The following DAB1 variants were observed in gnomAD, a reference collection of about 807,000 sequenced individuals.
DAB1 encodes the protein DAB adaptor protein 1.
A neutral mutation model predicts 64.6 loss-of-function variants in DAB1; 15 were observed. The ratio of observed to expected loss-of-function variants is 0.23; its 90% CI spans 0.16 to 0.36. DAB1 has a LOEUF of 0.36. Among genes scored for constraint, DAB1 ranks in the 10% least tolerant of loss-of-function variants. DAB1 has a pLI of 1.00. For missense variants in DAB1, 596 were observed against 706.7 expected, an observed-to-expected ratio of 0.84 and a Z score of 1.78; for synonymous variants, 235 against 251.9, an observed-to-expected ratio of 0.93 and a Z score of 0.64.
intron 14 of DAB1, among the ~76,000 whole-genome samples, chr1:56,999,396 C>T (rs1195893492): frequency 6.6e-6 from 1 of 152,136 alleles, no homozygotes; most frequent in African/African-American, 2.4e-5. Context: ...CAACAGTGAC[C>T]ATGAGGAGGG....
At chr1:58,094,077 T>A (rs963048643) in intron 5 of DAB1, among the ~76,000 whole-genome samples, 3 of 152,184 alleles carry the variant, frequency 2.0e-5, no homozygotes, top group African/African-American at 4.8e-5. Context: ...CACCAGCAGC[T>A]CTGTGTCCCA....
intron 2 of DAB1, among the ~76,000 whole-genome samples, chr1:57,176,095 C>T (rs1364734239): frequency 6.6e-6 from 1 of 152,140 alleles, no homozygotes; most frequent in Non-Finnish European, 1.5e-5. Context: ...CTGCAAGGGT[C>T]AAACAAGAGG....
At chr1:57,844,735 G>A (rs1653204961) in intron 1 of DAB1, among the ~76,000 whole-genome samples, 1 of 152,150 alleles carries the variant, frequency 6.6e-6, no homozygotes, top group African/African-American at 2.4e-5. Context: ...CAAGGGACAG[G>A]AAGAGAGAGA....
chr1:58,412,900 C>T (rs916237779), intron 3 of DAB1, among the ~76,000 whole-genome samples: 2 of 152,076 alleles, frequency 1.3e-5, no homozygotes, highest in Non-Finnish European at 2.9e-5. Context: ...TCATTTTAGG[C>T]TGGAATAAGA....
At chr1:57,814,641 G>A (rs1281527117) in intron 6 of DAB1, among the ~76,000 whole-genome samples, 1 of 152,170 alleles carries the variant, frequency 6.6e-6, no homozygotes, top group African/African-American at 2.4e-5. Flanking sequence ...CCAACAAATA[G>A]ATGGAGACAA....
intron 1 of DAB1, among the ~76,000 whole-genome samples, chr1:57,412,671 C>T (rs1684201287): frequency 6.6e-6 from 1 of 152,198 alleles, no homozygotes; most frequent in African/African-American, 2.4e-5. Flanking sequence ...AGAGCCCTAA[C>T]TCTATTCAAT....
At chr1:57,373,938 T>C (rs769112612) in intron 1 of DAB1, among the ~76,000 whole-genome samples, 17 of 152,170 alleles carry the variant, frequency 1.1e-4, no homozygotes, top group Non-Finnish European at 2.2e-4. Context: ...TATTTCAGAC[T>C]CCTCCAGGAA....
At chr1:57,076,189 G>A (rs1651971978) in intron 4 of DAB1, among the ~76,000 whole-genome samples, 1 of 152,206 alleles carries the variant, frequency 6.6e-6, no homozygotes, top group Admixed American at 6.5e-5. Flanking sequence ...TGCTTCTGCA[G>A]TCAGTTCCTG....
chr1:57,051,945 T>C (rs1237228082), intron 9 of DAB1, among the ~76,000 whole-genome samples: 4 of 152,128 alleles, frequency 2.6e-5, no homozygotes, highest in Non-Finnish European at 4.4e-5. Context: ...GGGCTGTGCA[T>C]TTCCTTTCAT....
At chr1:58,173,005 C>T (rs541100195) in intron 4 of DAB1, among the ~76,000 whole-genome samples, 160 of 152,324 alleles carry the variant, frequency 1.1e-3, no homozygotes, top group Admixed American at 2.1e-3. Context: ...AGGTGGCAGT[C>T]TTACACTGCC....
At chr1:57,010,642 G>A in intron 14 of DAB1, 38 bp downstream of exon 14, 1 of 1,151,870 alleles carries the variant, frequency 8.7e-7, no homozygotes, top group Non-Finnish European at 1.2e-6. Flanking sequence ...AAAGCAGATA[G>A]CTTAAGGGTA....
intron 5 of DAB1, among the ~76,000 whole-genome samples, chr1:57,976,010 C>T (rs1159909413): frequency 6.6e-6 from 1 of 152,230 alleles, no homozygotes; most frequent in African/African-American, 2.4e-5. Flanking sequence ...TCACTGTTCA[C>T]TGAATCCCTG....
At chr1:57,301,061 CT>C (rs1673606692) in intron 1 of DAB1, among the ~76,000 whole-genome samples, 1 of 151,746 alleles carries the variant, frequency 6.6e-6, no homozygotes, top group Non-Finnish European at 1.5e-5. Context: ...CTTCCATTTT[CT>C]TTTCCAAAGA....
rs184539508 is a variant in DAB1 at position 57,575,087 on chromosome 1, G to T, written n.625+74505C>A. Among the ~76,000 whole-genome samples, 9 of 152,302 alleles carry T rather than the reference G, an allele frequency of 5.9e-5. No individual in the cohort carries two copies. The East Asian group carries it at 1.5e-3, about 26-fold the overall frequency. Reference sequence around the variant, plus strand: ...GTCTCCCCAATATGATTACAAGCCTGGCAGAGAACAGGGAACAGGGTGAAG... The same window carrying T: ...GTCTCCCCAATATGATTACAAGCCTTGCAGAGAACAGGGAACAGGGTGAAG... On this transcript the variant is annotated intron_variant and non_coding_transcript_variant, in intron 7 of 20. Transcript: ENST00000485760.
chr1:58,056,442 C>T (rs760312532), intron 5 of DAB1: 22 of 1,529,616 alleles, frequency 1.4e-5, no homozygotes, highest in Non-Finnish European at 1.8e-5. Context: ...GGCCGCGGCC[C>T]TTTTTGGCAC....
chr1:57,188,545 T>C (rs930120502), intron 2 of DAB1, among the ~76,000 whole-genome samples: 25 of 152,170 alleles, frequency 1.6e-4, no homozygotes, highest in Non-Finnish European at 3.5e-4. Flanking sequence ...ACTGGGATAT[T>C]CTCACATCTC....
rs1261274799 is a variant in DAB1 at position 57,565,802 on chromosome 1, T to A, written n.625+83790A>T. On this transcript the variant is annotated intron_variant and non_coding_transcript_variant, in intron 7 of 20. Coordinates refer to the DAB1 transcript ENST00000485760. ...GCTCCTTAGAGACCTACAAAGAGAC[T>A]TAAGACTCCCACACAATAATAATGA... Among the ~76,000 whole-genome samples the A allele has an allele frequency of 2.6e-5, 4 of 152,252 alleles. No homozygotes were observed. The South Asian group carries it at 8.3e-4, about 32-fold the overall frequency.
chr1:57,907,850 CTAGAAGGTATGTGTATATATATA>C (rs1644577074), intron 5 of DAB1, among the ~76,000 whole-genome samples: 1 of 144,818 alleles, frequency 6.9e-6, no homozygotes, highest in Admixed American at 7.2e-5. Context: ...TTACATAAAC[CTAGAAGGTATGTGTATATATATA>C]TATACACATA....
intron 7 of DAB1, among the ~76,000 whole-genome samples, chr1:57,496,453 C>T (rs1472278898): frequency 2.6e-5 from 4 of 152,118 alleles, no homozygotes; most frequent in East Asian, 1.9e-4. Flanking sequence ...CCCAGTATAC[C>T]GTAGATTCTC....
Sources: gnomAD v4.1 joint callset for allele counts (sites outside exome capture counted in the v4.1 genomes callset) on GRCh38, gnomAD v4.1.1 for gene constraint, MANE v1.5 for transcripts, NCBI Gene and HGNC (gene_info 2026-07-23, HGNC 2026-07-21) for gene names.